The following DYRK4 variants were observed in gnomAD, a reference collection of about 807,000 sequenced individuals.
DYRK4 encodes the protein dual specificity tyrosine phosphorylation regulated kinase 4, also known as dual specificity tyrosine-phosphorylation-regulated kinase 4.
In DYRK4, 64 loss-of-function variants were observed where a neutral mutation model predicts 68.3. The ratio of observed to expected loss-of-function variants is 0.94; its 90% CI spans 0.77 to 1.15. The LOEUF (loss-of-function observed/expected upper bound fraction) is 1.15, where lower values mean the gene tolerates loss of function less well. Among genes scored for constraint, DYRK4 ranks in the 50% most tolerant of loss-of-function variants. The pLI is 0.00. For synonymous variants in DYRK4, 274 were observed against 289.9 expected, an observed-to-expected ratio of 0.95 and a Z score of 0.56; for missense variants, 740 against 764.7, an observed-to-expected ratio of 0.97 and a Z score of 0.38.
rs2302248 is a variant in DYRK4, at chr12:4,591,055, G to T, written c.325-105G>T. On this transcript the variant is annotated intron_variant, in intron 4 of 14. Coordinates refer to ENST00000543431, the MANE Select transcript of DYRK4 (RefSeq NM_001394779.1). The surrounding 1 kb of genome is among the most constrained non-coding windows in gnomAD (Gnocchi z 4.1). ...CGCTGTTTTCTCCCTGGAGAGGTAG[G>T]TAAAGAGCCTGGCTGAAGGTGGGTG... 723,651 of 1,368,258 alleles carry T rather than the reference G, an allele frequency of 0.53. 196,943 individuals are homozygous for T. The highest frequency in any genetic ancestry group is 0.76 in the East Asian group (32,479 of 42,628). The allele number at this position is 1,368,258 out of a possible 1,614,324, so 84.8% of individuals were successfully genotyped here.
In DYRK4 at chr12:4,599,018, T is replaced by G. The variant is rs1490767681; in HGVS notation, c.906-10T>G. ...ACACCCATATGCATCACTTTTCCCCTCTTTTCCAGAATCAACTTGTATGAG... is the reference window on the plus strand; with the variant it reads ...ACACCCATATGCATCACTTTTCCCCGCTTTTCCAGAATCAACTTGTATGAG... On this transcript the variant is annotated splice_polypyrimidine_tract_variant and intron_variant, in intron 8 of 14. Transcript: ENST00000543431. 4 of 1,613,970 alleles carry G rather than the reference T, an allele frequency of 2.5e-6. No individual in the cohort carries two copies. The highest frequency in any genetic ancestry group is 1.3e-5 in the African/African-American group (1 of 74,918).
chr12:4,563,801 T>C (rs1443024242), intron 1 of DYRK4, among the ~76,000 whole-genome samples: 1 of 152,200 alleles, frequency 6.6e-6, no homozygotes, highest in Non-Finnish European at 1.5e-5. Context: ...AGAAAAGAGA[T>C]AGATTTGTTC....
intron 6 of DYRK4, 52 bp downstream of exon 6, chr12:4,593,217 A>G (rs754058062): frequency 1.3e-6 from 2 of 1,580,122 alleles, no homozygotes; most frequent in African/African-American, 2.7e-5. Context: ...GACAAGAGGT[A>G]GTCTAGAAAG....
At chr12:4,576,162 A>G (rs1944787244) in intron 2 of DYRK4, among the ~76,000 whole-genome samples, 1 of 152,048 alleles carries the variant, frequency 6.6e-6, no homozygotes, top group Non-Finnish European at 1.5e-5. Flanking sequence ...AAAATACCCC[A>G]TTGTCCATCT....
At chr12:4,578,749 T>C (rs1307083756) in intron 2 of DYRK4, among the ~76,000 whole-genome samples, 1 of 152,170 alleles carries the variant, frequency 6.6e-6, no homozygotes, top group African/African-American at 2.4e-5. Flanking sequence ...AGAGTATGAA[T>C]GGTTTGCCAA....
chr12:4,571,303 C>A (rs1406020590), intron 2 of DYRK4, among the ~76,000 whole-genome samples: 1 of 152,254 alleles, frequency 6.6e-6, no homozygotes, highest in African/African-American at 2.4e-5. Flanking sequence ...GCTACTTTTT[C>A]TCTGTTAATT....
intron 2 of DYRK4, chr12:4,573,417 G>C (rs1944752670): frequency 1.6e-6 from 2 of 1,283,654 alleles, no homozygotes; most frequent in Non-Finnish European, 2.0e-6. Flanking sequence ...ATCAAAGAAA[G>C]GAGAACAAAG....
At chr12:4,589,824 T>G (rs1192043949) in intron 3 of DYRK4, among the ~76,000 whole-genome samples, 1 of 152,166 alleles carries the variant, frequency 6.6e-6, no homozygotes, top group Admixed American at 6.5e-5. Flanking sequence ...GGGATCCAAG[T>G]GAGTAGGTCA....
chr12:4,605,131 T>C (rs368318868), intron 11 of DYRK4, 45 bp downstream of exon 11: 23 of 1,572,174 alleles, frequency 1.5e-5, no homozygotes, highest in East Asian at 2.2e-5. Flanking sequence ...ACCGTGGGCT[T>C]GGCCCTCAGA....
chr12:4,602,753 C>T, intron 10 of DYRK4: 2 of 1,520,976 alleles, frequency 1.3e-6, no homozygotes, highest in Non-Finnish European at 1.8e-6. Flanking sequence ...TTCAAATTTT[C>T]CATCTCTCTC....
intron 13 of DYRK4, among the ~76,000 whole-genome samples, chr12:4,611,804 CA>C (rs1405613325): frequency 6.6e-6 from 1 of 152,092 alleles, no homozygotes; most frequent in Non-Finnish European, 1.5e-5. Context: ...ATCATATGAT[CA>C]TTAGTTAGTA....
intron 2 of DYRK4, among the ~76,000 whole-genome samples, chr12:4,585,913 G>A (rs939537258): frequency 1.6e-4 from 24 of 152,190 alleles, no homozygotes; most frequent in African/African-American, 5.8e-4. Context: ...TCACAAAAAC[G>A]AGAACTGAAA....
At chr12:4,585,771 G>A (rs1944891108) in intron 2 of DYRK4, among the ~76,000 whole-genome samples, 1 of 152,222 alleles carries the variant, frequency 6.6e-6, no homozygotes. Flanking sequence ...AAAACTTAAA[G>A]TATAATAATA....
chr12:4,587,955 G>A (rs936834472), intron 2 of DYRK4, among the ~76,000 whole-genome samples: 11 of 152,358 alleles, frequency 7.2e-5, no homozygotes, highest in East Asian at 1.9e-4. Flanking sequence ...CCAGAACTTC[G>A]ATTCAAGCTC....
At chr12:4,579,526 T>C (rs911839999) in intron 2 of DYRK4, among the ~76,000 whole-genome samples, 1 of 152,226 alleles carries the variant, frequency 6.6e-6, no homozygotes, top group African/African-American at 2.4e-5. Flanking sequence ...CATATTTTCA[T>C]CTAAATGAAT....
At chr12:4,594,018 C>G (rs545368693) in intron 6 of DYRK4, among the ~76,000 whole-genome samples, 4 of 152,128 alleles carry the variant, frequency 2.6e-5, no homozygotes, top group Non-Finnish European at 5.9e-5. Flanking sequence ...CCAGGTGATG[C>G]CTGTGCTGTT....
chr12:4,568,632 C>T (rs1040403359), intron 2 of DYRK4, among the ~76,000 whole-genome samples: 3 of 152,200 alleles, frequency 2.0e-5, no homozygotes, highest in East Asian at 1.9e-4. Flanking sequence ...GTGATCTGCC[C>T]GCCTCGGCCT....
rs1490154276 is a variant in DYRK4 at position 4,591,030 on chromosome 12, C to T, written c.325-130C>T. On this transcript the variant is annotated intron_variant, in intron 4 of 14. Transcript: ENST00000543431. This position sits in a 1 kb window ranked among gnomAD's most constrained non-coding sequence, Gnocchi z 4.1. Reference sequence around the variant, plus strand: ...TAGGGAGAACCTTCTGTCTCTTAATCGCTGTTTTCTCCCTGGAGAGGTAGG... The same window carrying T: ...TAGGGAGAACCTTCTGTCTCTTAATTGCTGTTTTCTCCCTGGAGAGGTAGG... 8.4e-6 allele frequency: 9 copies of T among 1,072,168 alleles called. No homozygotes were observed. The highest frequency in any genetic ancestry group is 2.7e-5 in the Admixed American group (1 of 36,556). 66.4% of individuals were successfully genotyped at this position (1,072,168 alleles called of 1,614,324 possible).
rs141198151 is a variant in DYRK4 at position 4,591,290 on chromosome 12, C to T, written c.455C>T (p.Thr152Ile). ...KSPKKQKVTL[T>I]AAEALKLFKN... Reference sequence around the variant, plus strand: ...CCAAAGAAGCAAAAGGTGACTCTGACAGCGGCAGGTATGCCTTTGGGGCAG... The same window carrying T: ...CCAAAGAAGCAAAAGGTGACTCTGATAGCGGCAGGTATGCCTTTGGGGCAG... Residue 152 changes from threonine to isoleucine, a missense_variant, in exon 5 of 15, where the codon ACA becomes ATA. Physicochemically the swap from Thr to Ile is moderately conservative, Grantham distance 89. Coordinates refer to ENST00000543431, the MANE Select transcript of DYRK4 (RefSeq NM_001394779.1). This position sits in a 1 kb window ranked among gnomAD's most constrained non-coding sequence, Gnocchi z 4.1. 123 of 1,613,976 alleles carry T rather than the reference C, an allele frequency of 7.6e-5. No homozygotes were observed. The highest frequency in any genetic ancestry group is 1.0e-4 in the Non-Finnish European group (123 of 1,179,944).
Sources: gnomAD v4.1 joint callset for allele counts (sites outside exome capture counted in the v4.1 genomes callset) on GRCh38, gnomAD v4.1.1 for gene constraint, Gnocchi (gnomAD v3.1) non-coding constraint, MANE v1.5 for transcripts, NCBI Gene and HGNC (gene_info 2026-07-23, HGNC 2026-07-21) for gene names.